ASPH: variants seen among roughly 807,000 people sequenced by gnomAD.
ASPH encodes the protein aspartate beta-hydroxylase.
Under a neutral mutation model 118.4 loss-of-function variants are expected in ASPH, and 100 were observed. The observed-to-expected ratio is 0.84, with a 90% CI of 0.72 to 1.00. ASPH has a LOEUF of 1.00. ASPH is among the 50% of genes least tolerant of loss of function. The pLI, the probability that ASPH is intolerant of heterozygous loss-of-function variation, is 0.00. For missense variants in ASPH, 920 were observed against 919.5 expected, an observed-to-expected ratio of 1.00 and a Z score of -0.01; for synonymous variants, 315 against 325.6, an observed-to-expected ratio of 0.97 and a Z score of 0.35.
In ASPH at chr8:61,590,761, T is replaced by C. The variant is rs570751267; in HGVS notation, c.977-6732A>G. On this transcript the variant is annotated intron_variant, in intron 14 of 24. Transcript: ENST00000379454. ...TTTCCTTTATATAGACTCTCGAATA[T>C]GGCATGAACATTGACACTTCTGTGG... Among the ~76,000 whole-genome samples, 8 of 152,316 alleles carry C rather than the reference T, an allele frequency of 5.3e-5. No individual in the cohort carries two copies. In the East Asian group the frequency reaches 9.6e-4, roughly 18 times the overall value.
chr8:61,572,936 A>G (rs1270379050), intron 16 of ASPH, among the ~76,000 whole-genome samples: 2 of 152,224 alleles, frequency 1.3e-5, no homozygotes, highest in Non-Finnish European at 2.9e-5. Flanking sequence ...CTGTTTGCAG[A>G]TGACATGATT....
intron 24 of ASPH, among the ~76,000 whole-genome samples, chr8:61,506,090 G>A (rs1205657796): frequency 6.6e-6 from 1 of 152,172 alleles, no homozygotes; most frequent in Non-Finnish European, 1.5e-5. Flanking sequence ...ATCAGTGAAT[G>A]AACAGACAAA....
intron 1 of ASPH, among the ~76,000 whole-genome samples, chr8:61,704,515 A>G (rs1836093110): frequency 2.6e-5 from 4 of 152,062 alleles, no homozygotes; most frequent in Admixed American, 2.6e-4. Context: ...AACAGAAAAG[A>G]AAAAATAAAT....
chr8:61,600,083 T>A (rs139074323), intron 14 of ASPH, among the ~76,000 whole-genome samples: 5 of 152,184 alleles, frequency 3.3e-5, no homozygotes, highest in Admixed American at 6.5e-5. Flanking sequence ...ATTTATCCCA[T>A]GAATGCAAGG....
At chr8:61,596,322 T>C (rs2350916) in intron 14 of ASPH, among the ~76,000 whole-genome samples, 152,132 of 152,340 alleles carry the variant, frequency 1, 75,962 homozygotes, top group East Asian at 1. Context: ...TACCTGCACA[T>C]GACACTTGAG....
intron 21 of ASPH, among the ~76,000 whole-genome samples, chr8:61,545,711 C>T (rs1823595999): frequency 6.6e-6 from 1 of 152,212 alleles, no homozygotes; most frequent in Non-Finnish European, 1.5e-5. Context: ...CACAATCAAT[C>T]ATGCTTCTTT....
intron 3 of ASPH, among the ~76,000 whole-genome samples, chr8:61,677,369 G>A (rs1037059121): frequency 6.6e-6 from 1 of 151,998 alleles, no homozygotes; most frequent in Non-Finnish European, 1.5e-5. Context: ...AACAGGGTGG[G>A]GTGTTCTGAC....
At chr8:61,689,320 A>G (rs1831830166) in intron 1 of ASPH, among the ~76,000 whole-genome samples, 1 of 152,124 alleles carries the variant, frequency 6.6e-6, no homozygotes. Context: ...CTATAATTTT[A>G]TATAAAATCT....
chr8:61,570,669 T>G (rs1833224490), intron 16 of ASPH, among the ~76,000 whole-genome samples: 2 of 152,336 alleles, frequency 1.3e-5, no homozygotes, highest in South Asian at 4.1e-4. Context: ...TGATAGGCAC[T>G]TGCACTGAAA....
rs569811757 is a variant in ASPH, at chr8:61,503,379, G to A, written c.2257C>T (p.Arg753Cys). 4.0e-5 allele frequency: 65 copies of A among 1,606,530 alleles called. No individual in the cohort carries two copies. Among genetic ancestry groups the A allele is most frequent in the South Asian group, 1.2e-4 (11 of 89,782 alleles). The change falls in exon 25 of 25, where the codon CGC (arginine) becomes TGC (cysteine). Residue 753 changes from arginine to cysteine, a missense_variant. Transcript: ENST00000379454. Reference protein sequence around the residue: ...WHPELTPQQRRSLPAI With the variant: ...WHPELTPQQRCSLPAI ...TCATGCTAAATTGCTGGAAGGCTGC[G>A]TCTCTGCTGTGGTGTCAGTTCCGGA...
chr8:61,534,096 C>T (rs888349359), intron 21 of ASPH, among the ~76,000 whole-genome samples: 1 of 152,096 alleles, frequency 6.6e-6, no homozygotes, highest in African/African-American at 2.4e-5. Context: ...TACAGGCATG[C>T]ACCACCATGC....
chr8:61,708,340 G>T (rs1563672832), intron 1 of ASPH, among the ~76,000 whole-genome samples: 2 of 152,196 alleles, frequency 1.3e-5, no homozygotes, highest in Non-Finnish European at 1.5e-5. Flanking sequence ...TTGATTCAAA[G>T]AATGGAAAAG....
At chr8:61,559,451 CTT>C (rs1829018119) in intron 18 of ASPH, among the ~76,000 whole-genome samples, 1 of 152,096 alleles carries the variant, frequency 6.6e-6, no homozygotes, top group African/African-American at 2.4e-5. Context: ...TTGTCTCTCT[CTT>C]TCTCTCTCTC....
chr8:61,513,436 C>A (rs1809661024), intron 24 of ASPH, among the ~76,000 whole-genome samples: 1 of 152,146 alleles, frequency 6.6e-6, no homozygotes, highest in South Asian at 2.1e-4. Context: ...CCAACTCAAC[C>A]ACCCTTGAAT....
At chr8:61,529,544 C>T (rs1226596268) in intron 21 of ASPH, among the ~76,000 whole-genome samples, 1 of 152,146 alleles carries the variant, frequency 6.6e-6, no homozygotes, top group Non-Finnish European at 1.5e-5. Flanking sequence ...GGGGGAAATC[C>T]GGGATGGGAC....
chr8:61,691,226 A>C, intron 1 of ASPH, among the ~76,000 whole-genome samples: 1 of 152,174 alleles, frequency 6.6e-6, no homozygotes, highest in Admixed American at 6.5e-5. Context: ...GTTTCTGTCC[A>C]GTGAAACTAT....
At chr8:61,664,385 T>C in intron 3 of ASPH, 1 of 974,748 alleles carries the variant, frequency 1.0e-6, no homozygotes, top group Non-Finnish European at 1.2e-6. Context: ...TTAAAACCTT[T>C]CTATAGTTAT....
chr8:61,680,638 C>T (rs1827571049), intron 3 of ASPH: 2 of 167,250 alleles, frequency 1.2e-5, no homozygotes, highest in African/African-American at 4.8e-5. Flanking sequence ...GCTATAATTA[C>T]CATATCTAAA....
intron 10 of ASPH, 151 bp downstream of exon 10, chr8:61,642,737 C>G (rs776987183): frequency 4.5e-4 from 280 of 624,726 alleles, no homozygotes; most frequent in Non-Finnish European, 6.8e-4. Flanking sequence ...CCCAGCTACT[C>G]AGGAGGCTGA....
Sources: gnomAD v4.1 joint callset for allele counts (sites outside exome capture counted in the v4.1 genomes callset) on GRCh38, gnomAD v4.1.1 for gene constraint, MANE v1.5 for transcripts, NCBI Gene and HGNC (gene_info 2026-07-23, HGNC 2026-07-21) for gene names.